The following AZIN2 variants were observed in gnomAD, a reference collection of about 807,000 sequenced individuals.
The protein encoded by AZIN2 is antizyme inhibitor 2.
In AZIN2, 28 loss-of-function variants were observed where a neutral mutation model predicts 47.8. That is an observed-to-expected ratio of 0.59 (90% confidence interval 0.43 to 0.80). AZIN2 has a LOEUF of 0.80. Among genes scored for constraint, AZIN2 ranks in the 30% least tolerant of loss-of-function variants. The pLI is 0.00. For synonymous variants in AZIN2, 221 were observed against 239.4 expected, an observed-to-expected ratio of 0.92 and a Z score of 0.71; for missense variants, 535 against 582.5, an observed-to-expected ratio of 0.92 and a Z score of 0.84.
intron 10 of AZIN2, among the ~76,000 whole-genome samples, chr1:33,114,128 C>CT (rs1213266792): frequency 0.011 from 1,583 of 143,280 alleles, 19 homozygotes; most frequent in African/African-American, 0.033. Context: ...TTATTCTTTT[C>CT]TTTTTTTTTT....
chr1:33,109,789 TC>T (rs1382189548), intron 10 of AZIN2, among the ~76,000 whole-genome samples: 1 of 152,076 alleles, frequency 6.6e-6, no homozygotes, highest in Non-Finnish European at 1.5e-5. Flanking sequence ...CTTGTTTGCC[TC>T]CCCCCTGCTA....
intron 10 of AZIN2, chr1:33,101,741 T>TA: frequency 1.5e-6 from 1 of 672,514 alleles, no homozygotes; most frequent in Non-Finnish European, 2.7e-6. Context: ...TCCTCGAGTG[T>TA]ATTTATAATT....
chr1:33,144,524 C>G, the AZIN2 span, among the ~76,000 whole-genome samples: 2 of 152,254 alleles, frequency 1.3e-5, no homozygotes, highest in African/African-American at 4.8e-5. Context: ...GGCTAAAATA[C>G]TGTCCTGGGC....
chr1:33,123,579 A>G (rs747299353), downstream of AZIN2, among the ~76,000 whole-genome samples: 2 of 152,268 alleles, frequency 1.3e-5, no homozygotes, highest in Non-Finnish European at 2.9e-5. Context: ...GAAAATGGGT[A>G]TAAGGCCAGC....
chr1:33,159,840 G>A, the AZIN2 span: 5 of 1,613,526 alleles, frequency 3.1e-6, no homozygotes, highest in Non-Finnish European at 3.4e-6. The surrounding 1 kb of genome is among the most constrained non-coding windows in gnomAD (Gnocchi z 4.2). Flanking sequence ...TGCGGGCCGT[G>A]TCCGCCTCCA....
chr1:33,085,974 G>T (rs1342087898), intron 5 of AZIN2, among the ~76,000 whole-genome samples: 1 of 152,150 alleles, frequency 6.6e-6, no homozygotes, highest in African/African-American at 2.4e-5. Flanking sequence ...CGAGGTCTAG[G>T]GTGAAGAACA....
chr1:33,094,747 C>G (rs752130772), intron 8 of AZIN2, 34 bp downstream of exon 8: 1 of 1,610,032 alleles, frequency 6.2e-7, no homozygotes, highest in African/African-American at 1.3e-5. Flanking sequence ...ATGCTGGGCT[C>G]TATGGCGGGG....
the AZIN2 span, chr1:33,163,345 T>C: frequency 1.3e-5 from 2 of 152,042 alleles, no homozygotes; most frequent in African/African-American, 4.8e-5. Flanking sequence ...GGCCGATTTT[T>C]TTTTCCTTTC....
At chr1:33,149,614 G>A in the AZIN2 span, among the ~76,000 whole-genome samples, 4 of 150,278 alleles carry the variant, frequency 2.7e-5, no homozygotes, top group South Asian at 2.1e-4. Flanking sequence ...ATCACTATGC[G>A]CAGCTAATTT....
At chr1:33,115,378 C>A (rs1644491220) in intron 10 of AZIN2, among the ~76,000 whole-genome samples, 1 of 151,348 alleles carries the variant, frequency 6.6e-6, no homozygotes, top group Non-Finnish European at 1.5e-5. Context: ...GTTGCCACAG[C>A]TTTTAGAATA....
rs899880362 is a variant in AZIN2, at chr1:33,119,878, G to A, written c.1245-166G>A. 44 of 814,332 alleles carry A rather than the reference G, an allele frequency of 5.4e-5. 1 individual carries two copies. Among genetic ancestry groups the A allele is most frequent in the South Asian group, 8.8e-5 (5 of 56,704 alleles). The allele number at this position is 814,332 out of a possible 1,614,324, so 50.4% of individuals were successfully genotyped here. A position where few individuals can be genotyped will look rare whatever the true frequency, so the allele number is the denominator to read the frequency against. On this transcript the variant is annotated intron_variant, in intron 11 of 11. Coordinates refer to ENST00000294517, the MANE Select transcript of AZIN2 (RefSeq NM_052998.4). Reference sequence around the variant, plus strand: ...CCTTGTTGAGGGGTGGGGACCACACGGGAGTAGGAAGCAGTTGGGGAGGGG... The same window carrying A: ...CCTTGTTGAGGGGTGGGGACCACACAGGAGTAGGAAGCAGTTGGGGAGGGG...
rs758557001 is a variant in AZIN2 at position 33,123,341 on chromosome 1, G to A, written c.*3159G>A. On this transcript the variant is annotated 3_prime_UTR_variant, in exon 12 of 12. Transcript: ENST00000294517. Reference sequence around the variant, plus strand: ...GCAACTGTCAGCCCTTCTAGAATGTGAGCTCTAGGCTCTTGGAATAAACCT... The same window carrying A: ...GCAACTGTCAGCCCTTCTAGAATGTAAGCTCTAGGCTCTTGGAATAAACCT... Among the ~76,000 whole-genome samples, 1 of 152,190 alleles carries A rather than the reference G, an allele frequency of 6.6e-6. No individual in the cohort carries two copies. The highest frequency in any genetic ancestry group is 1.5e-5 in the Non-Finnish European group (1 of 68,040).
intron 7 of AZIN2, among the ~76,000 whole-genome samples, chr1:33,093,711 CTCTTT>C (rs1245051318): frequency 6.6e-6 from 1 of 151,146 alleles, no homozygotes; most frequent in African/African-American, 2.4e-5. Context: ...CTTGAGGGGC[CTCTTT>C]TCTTTTCTTT....
At chr1:33,110,571 G>T (rs1410293682) in intron 10 of AZIN2, among the ~76,000 whole-genome samples, 1 of 152,128 alleles carries the variant, frequency 6.6e-6, no homozygotes, top group African/African-American at 2.4e-5. Context: ...AATAGAACTA[G>T]AAATGAAAAA....
the AZIN2 span, chr1:33,146,364 TCA>T: frequency 6.1e-6 from 1 of 163,974 alleles, no homozygotes; most frequent in African/African-American, 2.4e-5. Context: ...CCCTAGCAGG[TCA>T]CAGAGGCCTG....
chr1:33,088,592 T>A (rs1010663737), intron 5 of AZIN2, among the ~76,000 whole-genome samples: 5 of 152,238 alleles, frequency 3.3e-5, no homozygotes, highest in Non-Finnish European at 5.9e-5. Context: ...CCTTGGCAGC[T>A]CTGCCCCTCT....
At chr1:33,144,433 C>T in the AZIN2 span, among the ~76,000 whole-genome samples, 36 of 152,170 alleles carry the variant, frequency 2.4e-4, no homozygotes, top group Non-Finnish European at 4.1e-4. Context: ...CCACTGCGCC[C>T]GGTGGCTTTA....
intron 6 of AZIN2, 73 bp downstream of exon 6, chr1:33,092,295 A>T: frequency 9.6e-7 from 1 of 1,041,022 alleles, no homozygotes; most frequent in Non-Finnish European, 1.2e-6. Flanking sequence ...GGCTGTGGGG[A>T]GGCTGGGCTG....
At chr1:33,097,991 C>G in intron 9 of AZIN2, 76 bp from the exon 10 acceptor site, 1 of 1,070,598 alleles carries the variant, frequency 9.3e-7, no homozygotes, top group Non-Finnish European at 1.4e-6. Flanking sequence ...CCTTACTGAG[C>G]CCACTGTTGT....
Sources: gnomAD v4.1 joint callset for allele counts (sites outside exome capture counted in the v4.1 genomes callset) on GRCh38, gnomAD v4.1.1 for gene constraint, Gnocchi (gnomAD v3.1) non-coding constraint, MANE v1.5 for transcripts, NCBI Gene and HGNC (gene_info 2026-07-23, HGNC 2026-07-21) for gene names.